EPHB2: variants seen among roughly 807,000 people sequenced by gnomAD.
EPHB2 encodes EPH receptor B2.
A neutral mutation model predicts 96.4 loss-of-function variants in EPHB2; 18 were observed. The ratio of observed to expected loss-of-function variants is 0.19; its 90% CI spans 0.13 to 0.28. The LOEUF (loss-of-function observed/expected upper bound fraction) is 0.28. EPHB2 is among the 10% of genes least tolerant of loss of function. EPHB2 has a pLI of 1.00. For missense variants in EPHB2, 989 were observed against 1,355.4 expected (o/e 0.73, Z 4.25); for synonymous variants, 506 against 534.1 (o/e 0.95, Z 0.72).
At chr1:22,773,883 C>T (rs769373133) in intron 1 of EPHB2, among the ~76,000 whole-genome samples, 43 of 152,318 alleles carry the variant, frequency 2.8e-4, no homozygotes, top group African/African-American at 1.0e-3. Context: ...TCCATCGCTT[C>T]CTGGCCATGG....
In EPHB2 at chr1:22,896,311, TG is replaced by T. The variant is rs1475655684; in HGVS notation, c.1701-102del. The T allele has an allele frequency of 5.5e-6, 8 of 1,458,440 alleles. No individual in the cohort carries two copies. The East Asian group carries it at 1.8e-4, about 34-fold the overall frequency. The allele number at this position is 1,458,440 out of a possible 1,614,324, so 90.3% of individuals were successfully genotyped here. A position where few individuals can be genotyped will look rare whatever the true frequency, so the allele number is the denominator to read the frequency against. ...CAGGCAGGGAGCCCTCTGGCAGGGG[TG>T]TGGCTTCTAGGGCCTGCCCACCCTC... On this transcript the variant is annotated intron_variant, in intron 8 of 15. Coordinates refer to ENST00000374630, the MANE Select transcript of EPHB2 (RefSeq NM_017449.5).
Position 22,914,002 on chromosome 1 carries a change from C to G in EPHB2, c.*432C>G, listed in dbSNP as rs1640199034. ...GAAAAACAAATGTGAAGGGGAGAGA[C>G]AGGGGCCGCCCTTGGCTCCTGTCCC... On this transcript the variant is annotated 3_prime_UTR_variant, in exon 16 of 16. Coordinates refer to ENST00000374630, the MANE Select transcript of EPHB2 (RefSeq NM_017449.5). 1 of 1,260,738 alleles carries G rather than the reference C, an allele frequency of 7.9e-7. No individual in the cohort carries two copies. Among genetic ancestry groups the G allele is most frequent in the Non-Finnish European group, 1.1e-6 (1 of 932,202 alleles). The allele number at this position is 1,260,738 out of a possible 1,614,324, so 78.1% of individuals were successfully genotyped here. A position where few individuals can be genotyped will look rare whatever the true frequency, so the allele number is the denominator to read the frequency against.
chr1:22,724,407 G>C (rs1195267745), intron 1 of EPHB2, among the ~76,000 whole-genome samples: 1 of 152,162 alleles, frequency 6.6e-6, no homozygotes, highest in Non-Finnish European at 1.5e-5. Context: ...CACACAGTAG[G>C]ACTTGAGTAT....
intron 3 of EPHB2, among the ~76,000 whole-genome samples, chr1:22,855,287 C>T (rs1370395632): frequency 4.6e-5 from 7 of 152,218 alleles, no homozygotes; most frequent in Non-Finnish European, 1.0e-4. Context: ...TCAAACTCCT[C>T]TCCCCAACTG....
chr1:22,856,374 G>T (rs1557715330), intron 3 of EPHB2, among the ~76,000 whole-genome samples: 1 of 152,188 alleles, frequency 6.6e-6, no homozygotes, highest in Non-Finnish European at 1.5e-5. Context: ...CTGCCATCCT[G>T]CCCTGGGTTG....
At chr1:22,720,082 T>G (rs1643416692) in intron 1 of EPHB2, among the ~76,000 whole-genome samples, 1 of 152,178 alleles carries the variant, frequency 6.6e-6, no homozygotes, top group Non-Finnish European at 1.5e-5. Context: ...CCCCCTACGC[T>G]CCTCGCTATC....
chr1:22,723,161 A>G (rs1461914671), intron 1 of EPHB2, among the ~76,000 whole-genome samples: 1 of 152,262 alleles, frequency 6.6e-6, no homozygotes, highest in Admixed American at 6.5e-5. Flanking sequence ...CCGGAAGGAC[A>G]AAAAGCATCT....
chr1:22,753,858 G>A (rs4233292), intron 1 of EPHB2, among the ~76,000 whole-genome samples: 128,448 of 152,194 alleles, frequency 0.84, 55,461 homozygotes, highest in East Asian at 0.94. Context: ...GCTTCTCGGC[G>A]TAATGAGCTC....
chr1:22,764,385 TC>T (rs1276098122), intron 1 of EPHB2, among the ~76,000 whole-genome samples: 1 of 152,170 alleles, frequency 6.6e-6, no homozygotes, highest in East Asian at 1.9e-4. Flanking sequence ...CTTGTTCCTA[TC>T]CCACAGCTCA....
intron 3 of EPHB2, among the ~76,000 whole-genome samples, chr1:22,815,324 C>T (rs547718503): frequency 3.3e-5 from 5 of 152,302 alleles, no homozygotes; most frequent in African/African-American, 9.6e-5. Context: ...CCCACACAGC[C>T]TAAGACCCTC....
intron 3 of EPHB2, among the ~76,000 whole-genome samples, chr1:22,792,959 G>A (rs113427513): frequency 1.3e-5 from 2 of 152,198 alleles, no homozygotes; most frequent in Non-Finnish European, 2.9e-5. Context: ...GCCTCCAGGA[G>A]GAGGGGCCAC....
intron 1 of EPHB2, among the ~76,000 whole-genome samples, chr1:22,731,472 T>G (rs1394616361): frequency 6.6e-6 from 1 of 152,204 alleles, no homozygotes; most frequent in East Asian, 1.9e-4. Context: ...AACCTCAGTT[T>G]CCTTATCTGT....
At chr1:22,729,097 G>C (rs570673623) in intron 1 of EPHB2, among the ~76,000 whole-genome samples, 1 of 152,174 alleles carries the variant, frequency 6.6e-6, no homozygotes, top group Admixed American at 6.5e-5. Flanking sequence ...AGGATCACAG[G>C]GGGAGCTACA....
At chr1:22,872,461 G>A (rs1480539898) in intron 5 of EPHB2, among the ~76,000 whole-genome samples, 1 of 152,166 alleles carries the variant, frequency 6.6e-6, no homozygotes, top group African/African-American at 2.4e-5. Flanking sequence ...CATATTCACA[G>A]ATCCCGGGAA....
At chr1:22,761,414 C>T (rs940568702) in intron 1 of EPHB2, among the ~76,000 whole-genome samples, 9 of 152,134 alleles carry the variant, frequency 5.9e-5, no homozygotes, top group Admixed American at 4.6e-4. Context: ...CTCTAATGAG[C>T]ATGTATTGCT....
Position 22,754,974 on chromosome 1 carries a change from A to AGGGGC in EPHB2, c.62-26447_62-26446insGGGGC, listed in dbSNP as rs1570218159. On this transcript the variant is annotated intron_variant, in intron 1 of 15. Transcript: ENST00000374630. ...GGCGAGGGGCAGGAGAGGTGAGCCG[A>AGGGGC]AGGGCCTGTGCCCTAGAGACAGCTC... Among the ~76,000 whole-genome samples the AGGGGC allele has an allele frequency of 7.2e-5, 7 of 96,942 alleles. No homozygotes were observed. In the East Asian group the frequency reaches 2.3e-3, roughly 31 times the overall value. The allele number at this position is 96,942 out of a possible 152,430, so 63.6% of individuals were successfully genotyped here.
At chr1:22,813,524 G>A (rs1244461470) in intron 3 of EPHB2, among the ~76,000 whole-genome samples, 2 of 152,230 alleles carry the variant, frequency 1.3e-5, no homozygotes, top group African/African-American at 4.8e-5. Context: ...ACCTCGAGAT[G>A]AGCAGCTGAG....
intron 3 of EPHB2, among the ~76,000 whole-genome samples, chr1:22,814,513 A>G (rs1206238840): frequency 6.6e-6 from 1 of 151,978 alleles, no homozygotes; most frequent in Non-Finnish European, 1.5e-5. Context: ...CTAAGCACCT[A>G]CTCTGTACCA....
intron 6 of EPHB2, among the ~76,000 whole-genome samples, chr1:22,889,099 G>A (rs1308506567): frequency 6.6e-6 from 1 of 152,150 alleles, no homozygotes; most frequent in Non-Finnish European, 1.5e-5. Context: ...AGGCTGCAAT[G>A]GGCCATAATC....
Sources: allele counts gnomAD v4.1 joint callset (sites outside exome capture counted in the v4.1 genomes callset), GRCh38; gene constraint gnomAD v4.1.1; transcripts MANE v1.5; gene names NCBI Gene and HGNC (gene_info 2026-07-23, HGNC 2026-07-21).